OPCML: variants seen among roughly 807,000 people sequenced by gnomAD.
OPCML encodes the protein opioid-binding protein/cell adhesion molecule.
OPCML carries 13 observed loss-of-function variants against 37.8 expected under a neutral mutation model. The ratio of observed to expected loss-of-function variants is 0.34; its 90% confidence interval spans 0.22 to 0.55. OPCML has a LOEUF of 0.55. OPCML is among the 20% of genes least tolerant of loss of function. OPCML has a pLI of 0.91. For synonymous variants in OPCML, 176 were observed against 168.8 expected (o/e 1.04, Z -0.33); for missense variants, 341 against 435.6 (o/e 0.78, Z 1.93).
At chr11:133,353,471 G>GT (rs1303227216) in intron 1 of OPCML, among the ~76,000 whole-genome samples, 5 of 152,086 alleles carry the variant, frequency 3.3e-5, no homozygotes. Context: ...GTAAGCCCCT[G>GT]TTTTGGCCAG....
intron 1 of OPCML, among the ~76,000 whole-genome samples, chr11:132,963,676 G>A (rs1298816014): frequency 6.6e-6 from 1 of 151,958 alleles, no homozygotes; most frequent in African/African-American, 2.4e-5. Flanking sequence ...TAGAGGAAGA[G>A]AAAAGTGAGG....
rs540088420 is a variant in OPCML at position 133,289,367 on chromosome 11, G to A, written c.61+242897C>T. 1.1e-3 allele frequency among the ~76,000 whole-genome samples: 169 copies of A among 151,922 alleles called. No homozygotes were observed. The South Asian group carries it at 0.02, about 18-fold the overall frequency. ...TCCCAGCACTTTGGGAGGCCGAGGCGGGCGGATCACGAGGTCAGGAGATCG... is the reference window on the plus strand; with the variant it reads ...TCCCAGCACTTTGGGAGGCCGAGGCAGGCGGATCACGAGGTCAGGAGATCG... On this transcript the variant is annotated intron_variant, in intron 1 of 7. Transcript: ENST00000524381.
intron 2 of OPCML, among the ~76,000 whole-genome samples, chr11:132,766,488 C>T (rs1304454191): frequency 6.6e-6 from 1 of 152,092 alleles, no homozygotes; most frequent in Non-Finnish European, 1.5e-5. Context: ...AAATGTATAA[C>T]CTGAGTCCAG....
chr11:133,447,595 C>T (rs1313759708), intron 1 of OPCML, among the ~76,000 whole-genome samples: 2 of 152,172 alleles, frequency 1.3e-5, no homozygotes, highest in East Asian at 1.9e-4. Context: ...ATATTTAGCT[C>T]CCACTTATAA....
At chr11:133,301,553 A>G (rs1264672178) in intron 1 of OPCML, 4 of 152,194 alleles carry the variant, frequency 2.6e-5, no homozygotes, top group African/African-American at 9.7e-5. Flanking sequence ...GGATGAGGAC[A>G]TGTTCCATAT....
At chr11:133,050,617 T>C (rs1422202328) in intron 1 of OPCML, among the ~76,000 whole-genome samples, 1 of 152,144 alleles carries the variant, frequency 6.6e-6, no homozygotes, top group African/African-American at 2.4e-5. Flanking sequence ...CTCAGAACCA[T>C]GCCATGGGCT....
intron 1 of OPCML, among the ~76,000 whole-genome samples, chr11:133,264,525 G>T (rs1472229323): frequency 6.6e-6 from 1 of 152,154 alleles, no homozygotes; most frequent in Non-Finnish European, 1.5e-5. Context: ...CCTTCTCTAG[G>T]TCCTTGTCTG....
At chr11:132,808,469 G>C (rs1412682637) in intron 2 of OPCML, among the ~76,000 whole-genome samples, 2 of 152,208 alleles carry the variant, frequency 1.3e-5, no homozygotes, top group Non-Finnish European at 2.9e-5. Flanking sequence ...CAGTGGAGGG[G>C]GCAGAGCACT....
intron 1 of OPCML, among the ~76,000 whole-genome samples, chr11:133,090,021 G>C (rs191113162): frequency 2.0e-5 from 3 of 152,230 alleles, no homozygotes; most frequent in Admixed American, 6.5e-5. Context: ...AAATTCACAA[G>C]GACTGTCTCC....
At chr11:132,866,716 A>G (rs1942574404) in intron 2 of OPCML, among the ~76,000 whole-genome samples, 1 of 152,258 alleles carries the variant, frequency 6.6e-6, no homozygotes, top group African/African-American at 2.4e-5. Flanking sequence ...TTCAAATATT[A>G]TCTTACAAGA....
At chr11:133,181,226 A>G (rs1937815172) in intron 1 of OPCML, among the ~76,000 whole-genome samples, 1 of 152,174 alleles carries the variant, frequency 6.6e-6, no homozygotes, top group African/African-American at 2.4e-5. Context: ...TACACATGAG[A>G]AAACTGCAAA....
chr11:132,581,455 G>T (rs562749596), intron 3 of OPCML, among the ~76,000 whole-genome samples: 1 of 152,278 alleles, frequency 6.6e-6, no homozygotes, highest in African/African-American at 2.4e-5. Flanking sequence ...CATCCAACTG[G>T]ATGGGAGTCT....
chr11:133,257,574 G>A (rs1376250545), intron 1 of OPCML, among the ~76,000 whole-genome samples: 1 of 152,160 alleles, frequency 6.6e-6, no homozygotes, highest in Non-Finnish European at 1.5e-5. Flanking sequence ...TACACACTGA[G>A]CTACAATACT....
At chr11:133,421,295 G>T in intron 1 of OPCML, 1 of 985,422 alleles carries the variant, frequency 1.0e-6, no homozygotes, top group Non-Finnish European at 1.2e-6. Context: ...TTTGTAGAAT[G>T]TGGTCAGCTG....
intron 7 of OPCML, among the ~76,000 whole-genome samples, chr11:132,432,048 G>T (rs2095998825): frequency 6.6e-6 from 1 of 152,196 alleles, no homozygotes; most frequent in Non-Finnish European, 1.5e-5. Context: ...GGGTTGCCAG[G>T]TCTTATGAGC....
chr11:133,335,891 CCA>C (rs917379895), intron 1 of OPCML, among the ~76,000 whole-genome samples: 13 of 152,018 alleles, frequency 8.6e-5, no homozygotes, highest in Admixed American at 8.5e-4. Context: ...GTCCTACCAA[CCA>C]CAGAGAACAA....
chr11:132,457,131 A>G (rs2096085188), intron 4 of OPCML, among the ~76,000 whole-genome samples: 1 of 152,200 alleles, frequency 6.6e-6, no homozygotes, highest in African/African-American at 2.4e-5. Context: ...AGCATAATCA[A>G]CACATTTTGA....
intron 2 of OPCML, among the ~76,000 whole-genome samples, chr11:132,847,968 C>T (rs537535586): frequency 2.0e-5 from 3 of 152,214 alleles, no homozygotes; most frequent in Non-Finnish European, 4.4e-5. Context: ...ACCCACCTCT[C>T]CTGATCCCAA....
At chr11:132,820,655 A>G (rs1939926129) in intron 2 of OPCML, among the ~76,000 whole-genome samples, 1 of 152,174 alleles carries the variant, frequency 6.6e-6, no homozygotes, top group Non-Finnish European at 1.5e-5. Flanking sequence ...AAAGGTAAAG[A>G]CAGAATTTCC....
Sources: gnomAD v4.1 joint callset for allele counts (sites outside exome capture counted in the v4.1 genomes callset) on GRCh38, gnomAD v4.1.1 for gene constraint, MANE v1.5 for transcripts, NCBI Gene and HGNC (gene_info 2026-07-23, HGNC 2026-07-21) for gene names.